The following HACE1 variants were observed in gnomAD, a reference collection of about 807,000 sequenced individuals.
HACE1 encodes the protein HECT domain and ankyrin repeat containing E3 ubiquitin protein ligase 1.
A neutral mutation model predicts 118.4 loss-of-function variants in HACE1; 73 were observed. The observed-to-expected ratio is 0.62, with a 90% confidence interval of 0.51 to 0.75. The LOEUF (loss-of-function observed/expected upper bound fraction) is 0.75. HACE1 is among the 30% of genes least tolerant of loss of function. The pLI is 0.00. For missense variants in HACE1, 749 were observed against 1,102.2 expected (o/e 0.68, Z 4.54); for synonymous variants, 368 against 374.8 (o/e 0.98, Z 0.21).
intron 17 of HACE1, 63 bp downstream of exon 17, chr6:104,776,678 T>C (rs1781255599): frequency 8.4e-6 from 8 of 949,748 alleles, no homozygotes; most frequent in Non-Finnish European, 1.4e-5. Context: ...AAATAAAATG[T>C]ACTGAAATAG....
chr6:104,789,112 C>T (rs187377558), intron 11 of HACE1, among the ~76,000 whole-genome samples: 32 of 152,178 alleles, frequency 2.1e-4, no homozygotes, highest in Admixed American at 5.9e-4. Flanking sequence ...AAATCACCCC[C>T]ACAATGAACA....
chr6:104,740,134 A>G (rs1461301776), intron 22 of HACE1, among the ~76,000 whole-genome samples: 1 of 148,612 alleles, frequency 6.7e-6, no homozygotes, highest in Non-Finnish European at 1.5e-5. Context: ...ACAACGACAC[A>G]ACATACCAGA....
chr6:104,745,912 C>G (rs1469823287), intron 20 of HACE1, among the ~76,000 whole-genome samples: 3 of 152,146 alleles, frequency 2.0e-5, no homozygotes, highest in East Asian at 1.9e-4. Context: ...ATGAGGTTCT[C>G]CCTTTTCCAA....
intron 1 of HACE1, among the ~76,000 whole-genome samples, chr6:104,857,666 AC>A (rs1482321873): frequency 3.3e-5 from 5 of 151,930 alleles, no homozygotes; most frequent in Admixed American, 6.6e-5. Context: ...AAAAAAAAAA[AC>A]ATTTGGGGCG....
At chr6:104,748,711 A>G (rs1582646872) in intron 20 of HACE1, among the ~76,000 whole-genome samples, 1 of 152,240 alleles carries the variant, frequency 6.6e-6, no homozygotes, top group East Asian at 1.9e-4. Flanking sequence ...GGAAACTGAA[A>G]TGCTATACAG....
intron 5 of HACE1, among the ~76,000 whole-genome samples, chr6:104,833,917 G>A (rs1774262223): frequency 6.6e-6 from 1 of 152,072 alleles, no homozygotes; most frequent in Non-Finnish European, 1.5e-5. Context: ...CCCAGGAGGC[G>A]GCAGTTGCGG....
At position 104,778,320 on chromosome 6, in the gene HACE1, CT is replaced by C. The variant is rs924943338; in HGVS notation, c.1567-1004del. Among the ~76,000 whole-genome samples the C allele has an allele frequency of 2.6e-4, 40 of 152,054 alleles. 1 individual carries two copies. The highest frequency in any genetic ancestry group is 6.6e-5 in the Admixed American group (1 of 15,266). ...GTAAGAGCAGTAAAAACTCCAAGAA[CT>C]TGCTAAAAACTGTTTAATAGAGTTA... On this transcript the variant is annotated intron_variant, in intron 14 of 23. Transcript: ENST00000262903.
chr6:104,770,637 C>T (rs535520171), intron 19 of HACE1, among the ~76,000 whole-genome samples: 7 of 151,994 alleles, frequency 4.6e-5, no homozygotes, highest in Non-Finnish European at 7.4e-5. Flanking sequence ...GAGAATTGCT[C>T]GAACCCAGGA....
intron 22 of HACE1, chr6:104,732,396 A>C (rs1775307103): frequency 6.6e-6 from 1 of 152,240 alleles, no homozygotes; most frequent in African/African-American, 2.4e-5. Context: ...TATGTGCTAC[A>C]AAATGGATGA....
Position 104,785,205 on chromosome 6 carries a change from C to G in HACE1, c.1189G>C (p.Gly397Arg). ...ATGGAAGCAGCATCTTGATCTTGGC[C>G]TTTTTGTTTCAGTAAAATAGAAGTG... ...EITSILLKQKGQDQDAASIPP... is the reference protein window; with the variant it reads ...EITSILLKQKRQDQDAASIPP... The change falls in exon 12 of 24, where the codon GGC becomes CGC. Residue 397 changes from glycine to arginine, a missense_variant. Transcript: ENST00000262903. 6.2e-7 allele frequency: 1 copy of G among 1,613,800 alleles called. No individual in the cohort carries two copies. The highest frequency in any genetic ancestry group is 8.5e-7 in the Non-Finnish European group (1 of 1,179,778).
chr6:104,834,728 A>G (rs1367129744), intron 5 of HACE1, among the ~76,000 whole-genome samples: 1 of 152,248 alleles, frequency 6.6e-6, no homozygotes, highest in Non-Finnish European at 1.5e-5. Flanking sequence ...TCAGAATGCT[A>G]CACCAGTATT....
intron 19 of HACE1, among the ~76,000 whole-genome samples, chr6:104,762,410 G>C (rs1156342434): frequency 1.3e-5 from 2 of 152,144 alleles, no homozygotes; most frequent in African/African-American, 4.8e-5. Flanking sequence ...GGACATGGAT[G>C]AAGTGGGAAA....
intron 10 of HACE1, among the ~76,000 whole-genome samples, chr6:104,792,926 T>C (rs937614128): frequency 2.0e-5 from 3 of 152,172 alleles, no homozygotes; most frequent in African/African-American, 7.2e-5. Context: ...TTGCTGCCTT[T>C]GCTCATTAGA....
rs1774848268 is a variant in HACE1, at chr6:104,728,172, T to C, written c.*1490A>G. ...AAACTAATATGACAAAGCCAATGTA[T>C]TATATGGTTATAAACAGAAACATAT... On this transcript the variant is annotated 3_prime_UTR_variant, in exon 24 of 24. Coordinates refer to ENST00000262903, the MANE Select transcript of HACE1 (RefSeq NM_020771.4). 1 of 152,178 alleles carries C rather than the reference T, an allele frequency of 6.6e-6. No individual in the cohort carries two copies. Among genetic ancestry groups the C allele is most frequent in the Non-Finnish European group, 1.5e-5 (1 of 68,032 alleles). 9.4% of individuals were successfully genotyped at this position (152,178 alleles called of 1,614,324 possible). A position where few individuals can be genotyped will look rare whatever the true frequency, so the allele number is the denominator to read the frequency against.
intron 10 of HACE1, among the ~76,000 whole-genome samples, chr6:104,793,095 G>A (rs1184906849): frequency 6.6e-5 from 10 of 150,812 alleles, no homozygotes; most frequent in South Asian, 2.1e-4. Flanking sequence ...GTGAAACCCC[G>A]TCTCTACTAA....
rs1275226417 is a variant in HACE1 at position 104,859,903 on chromosome 6, G to T, written c.-261C>A. The T allele has an allele frequency of 7.0e-5, 32 of 459,748 alleles. No individual in the cohort carries two copies. The East Asian group carries it at 1.3e-3, about 19-fold the overall frequency. The allele number at this position is 459,748 out of a possible 1,614,324, so 28.5% of individuals were successfully genotyped here. ...AGCCCCCGCCGCCGCGTCCCTCCCG[G>T]GCTCGCGTGGCCTTCTGGGAACTGT... On this transcript the variant is annotated 5_prime_UTR_variant, in exon 1 of 24. Coordinates refer to ENST00000262903, the MANE Select transcript of HACE1 (RefSeq NM_020771.4).
chr6:104,795,515 A>T, intron 10 of HACE1, 64 bp downstream of exon 10: 1 of 928,440 alleles, frequency 1.1e-6, no homozygotes, highest in Non-Finnish European at 1.8e-6. Context: ...AGAATAAACT[A>T]CTCAGGAGGT....
chr6:104,825,086 A>G (rs545276203), intron 6 of HACE1, among the ~76,000 whole-genome samples: 1 of 151,572 alleles, frequency 6.6e-6, no homozygotes, highest in East Asian at 1.9e-4. Context: ...CGTCTCAAAA[A>G]AAAAAAAAAA....
chr6:104,790,570 T>C (rs1215438775), intron 11 of HACE1, among the ~76,000 whole-genome samples: 1 of 152,112 alleles, frequency 6.6e-6, no homozygotes, highest in East Asian at 1.9e-4. Flanking sequence ...CTGGGCAACA[T>C]GGCAAAGCCC....
Sources: allele counts gnomAD v4.1 joint callset (sites outside exome capture counted in the v4.1 genomes callset), GRCh38; gene constraint gnomAD v4.1.1; transcripts MANE v1.5; gene names NCBI Gene and HGNC (gene_info 2026-07-23, HGNC 2026-07-21).